CDH18: variants seen among roughly 807,000 people sequenced by gnomAD.
CDH18 encodes cadherin 18.
A neutral mutation model predicts 67.9 loss-of-function variants in CDH18; 31 were observed. The observed-to-expected ratio is 0.46, with a 90% CI of 0.34 to 0.62. The LOEUF (loss-of-function observed/expected upper bound fraction) is 0.62. Ranked by LOEUF, CDH18 falls within the 20% of genes least tolerant of loss-of-function variation. The probability of loss-of-function intolerance (pLI) is 0.01; values close to 1 mark genes in which losing one functional copy is unlikely to be tolerated. For synonymous variants in CDH18, 362 were observed against 347.2 expected, an observed-to-expected ratio of 1.04 and a Z score of -0.48; for missense variants, 890 against 975.5, an observed-to-expected ratio of 0.91 and a Z score of 1.17.
At chr5:20,427,789 A>G (rs1432802105) in intron 1 of CDH18, among the ~76,000 whole-genome samples, 1 of 151,188 alleles carries the variant, frequency 6.6e-6, no homozygotes, top group Non-Finnish European at 1.5e-5. Flanking sequence ...CCTCTTTAAT[A>G]AATCCTAATG....
chr5:20,209,133 ATG>A (rs1740148533), intron 2 of CDH18, among the ~76,000 whole-genome samples: 1 of 152,072 alleles, frequency 6.6e-6, no homozygotes, highest in African/African-American at 2.4e-5. Flanking sequence ...AGAAAGGGGA[ATG>A]TGTGTATACT....
intron 2 of CDH18, among the ~76,000 whole-genome samples, chr5:19,893,808 A>G (rs1789018811): frequency 6.6e-6 from 1 of 152,158 alleles, no homozygotes; most frequent in Non-Finnish European, 1.5e-5. Flanking sequence ...TGTTGCTAAA[A>G]TGTGGTGGAA....
chr5:20,389,560 G>T (rs1048604690), intron 1 of CDH18, among the ~76,000 whole-genome samples: 1 of 151,892 alleles, frequency 6.6e-6, no homozygotes, highest in Non-Finnish European at 1.5e-5. Context: ...TGGCCATACT[G>T]CCCAAGGTAA....
At chr5:19,934,188 AAG>A (rs569198069) in intron 2 of CDH18, among the ~76,000 whole-genome samples, 5 of 150,954 alleles carry the variant, frequency 3.3e-5, no homozygotes, top group Non-Finnish European at 5.9e-5. Context: ...CAGAAAGAGA[AAG>A]AGAGAGAGAG....
chr5:19,616,742 G>GA (rs1749899547), intron 5 of CDH18, among the ~76,000 whole-genome samples: 1 of 152,072 alleles, frequency 6.6e-6, no homozygotes, highest in African/African-American at 2.4e-5. Context: ...ACCATAGGCT[G>GA]GGTGGTTTTA....
At chr5:20,469,578 T>C (rs1751906957) in intron 1 of CDH18, among the ~76,000 whole-genome samples, 1 of 152,182 alleles carries the variant, frequency 6.6e-6, no homozygotes, top group Non-Finnish European at 1.5e-5. Flanking sequence ...AGGATACTTC[T>C]TGCTTTGCCT....
chr5:20,479,791 G>A (rs1350878541), intron 1 of CDH18, among the ~76,000 whole-genome samples: 2 of 151,988 alleles, frequency 1.3e-5, no homozygotes, highest in African/African-American at 4.8e-5. Context: ...GTATAGGAGG[G>A]TTCCAGAGCA....
chr5:19,711,650 TA>T (rs3062941), intron 5 of CDH18, among the ~76,000 whole-genome samples: 1,460 of 115,560 alleles, frequency 0.013, 20 homozygotes, highest in African/African-American at 0.029. Context: ...TAGTATAAAG[TA>T]AAAAAAAAAA....
intron 1 of CDH18, among the ~76,000 whole-genome samples, chr5:20,329,069 C>T (rs1419833287): frequency 1.3e-5 from 2 of 152,156 alleles, no homozygotes; most frequent in East Asian, 3.9e-4. Flanking sequence ...CAGGTTTATC[C>T]TTACAAGCAT....
At chr5:19,487,409 G>T (rs982361588) in intron 11 of CDH18, among the ~76,000 whole-genome samples, 2 of 152,048 alleles carry the variant, frequency 1.3e-5, no homozygotes, top group Non-Finnish European at 2.9e-5. Context: ...TGCATTAAAA[G>T]TAAAATTTTA....
At chr5:20,089,081 T>A (rs1745213988) in intron 2 of CDH18, among the ~76,000 whole-genome samples, 1 of 152,140 alleles carries the variant, frequency 6.6e-6, no homozygotes, top group African/African-American at 2.4e-5. Context: ...TATTTTTGAA[T>A]AGAATCCTTT....
chr5:20,422,640 C>T (rs1234787681), intron 1 of CDH18, among the ~76,000 whole-genome samples: 1 of 150,986 alleles, frequency 6.6e-6, no homozygotes, highest in Non-Finnish European at 1.5e-5. Context: ...GCACTCTCCC[C>T]AACACAAATT....
At chr5:19,758,529 T>G (rs1308393893) in intron 3 of CDH18, among the ~76,000 whole-genome samples, 2 of 152,206 alleles carry the variant, frequency 1.3e-5, no homozygotes, top group African/African-American at 4.8e-5. Context: ...CTGGATCTGT[T>G]GCAGAGCCTT....
intron 1 of CDH18, among the ~76,000 whole-genome samples, chr5:20,554,252 A>G (rs1757787546): frequency 6.6e-6 from 1 of 152,202 alleles, no homozygotes; most frequent in Non-Finnish European, 1.5e-5. Flanking sequence ...AGCTTGATTC[A>G]TAAAAATAGG....
At chr5:20,097,535 C>T (rs890357067) in intron 2 of CDH18, among the ~76,000 whole-genome samples, 4 of 151,994 alleles carry the variant, frequency 2.6e-5, no homozygotes, top group Non-Finnish European at 2.9e-5. Flanking sequence ...GGGGATTATG[C>T]GAGCCACAAT....
At chr5:20,472,335 G>A (rs1752148792) in intron 1 of CDH18, among the ~76,000 whole-genome samples, 4 of 152,116 alleles carry the variant, frequency 2.6e-5, no homozygotes, top group Admixed American at 2.6e-4. Context: ...ATGAGATATT[G>A]CCTTTATTTT....
intron 2 of CDH18, among the ~76,000 whole-genome samples, chr5:20,149,873 A>G (rs1471954349): frequency 6.6e-6 from 1 of 152,152 alleles, no homozygotes; most frequent in Non-Finnish European, 1.5e-5. Flanking sequence ...AGAGAAGATC[A>G]CTAGGAAACA....
At chr5:20,482,416 C>G (rs529207486) in intron 1 of CDH18, among the ~76,000 whole-genome samples, 1 of 152,020 alleles carries the variant, frequency 6.6e-6, no homozygotes, top group Non-Finnish European at 1.5e-5. Context: ...GAAGAGATTA[C>G]TTCCAAACTC....
chr5:20,266,560 C>T (rs13174621), intron 1 of CDH18, among the ~76,000 whole-genome samples: 41,125 of 141,754 alleles, frequency 0.29, 6,850 homozygotes, highest in Non-Finnish European at 0.37. Flanking sequence ...CGTGCCGGCA[C>T]GCCCGGCTGA....
Sources: gnomAD v4.1 joint callset for allele counts (sites outside exome capture counted in the v4.1 genomes callset) on GRCh38, gnomAD v4.1.1 for gene constraint, MANE v1.5 for transcripts, NCBI Gene and HGNC (gene_info 2026-07-23, HGNC 2026-07-21) for gene names.